PML: variants seen among roughly 807,000 people sequenced by gnomAD.
PML encodes the protein PML nuclear body scaffold.
In PML, 28 loss-of-function variants were observed where a neutral mutation model predicts 65.2. The ratio of observed to expected loss-of-function variants is 0.43; its 90% CI spans 0.32 to 0.59. The LOEUF (loss-of-function observed/expected upper bound fraction) is 0.59. PML is among the 20% of genes least tolerant of loss of function. The pLI is 0.08. For synonymous variants in PML, 500 were observed against 508.8 expected (o/e 0.98, Z 0.23); for missense variants, 1,021 against 1,203.4 (o/e 0.85, Z 2.24).
chr15:74,004,951 A>T (rs924410286), intron 2 of PML, among the ~76,000 whole-genome samples: 1 of 152,072 alleles, frequency 6.6e-6, no homozygotes, highest in Non-Finnish European at 1.5e-5. Flanking sequence ...GCCTCAAGTG[A>T]TCTGCCCGCC....
chr15:74,019,213 C>A (rs934367529), intron 2 of PML, among the ~76,000 whole-genome samples: 3 of 152,162 alleles, frequency 2.0e-5, no homozygotes, highest in Admixed American at 6.5e-5. Context: ...AAGGACCCAG[C>A]GGAGGCTATG....
At chr15:74,018,333 A>G (rs962198791) in intron 2 of PML, among the ~76,000 whole-genome samples, 9 of 151,902 alleles carry the variant, frequency 5.9e-5, no homozygotes, top group East Asian at 3.9e-4. Flanking sequence ...AAAAAAAAAA[A>G]AAAAGAAAAG....
At chr15:74,008,839 A>G (rs2141763414) in intron 2 of PML, among the ~76,000 whole-genome samples, 1 of 152,228 alleles carries the variant, frequency 6.6e-6, no homozygotes, top group East Asian at 1.9e-4. Flanking sequence ...AGAGTGGGCA[A>G]GTTTGGGAAC....
chr15:74,002,444 C>CTTTTTTTTTTTTTTTTTT (rs71137368), intron 2 of PML, among the ~76,000 whole-genome samples: 5 of 104,760 alleles, frequency 4.8e-5, no homozygotes, highest in Admixed American at 1.2e-4. Flanking sequence ...TCTTTCTTTT[C>CTTTTTTTTTTTTTTTTTT]TTTTTTTTTT....
chr15:74,035,249 C>A lies in PML; in HGVS notation c.1710+719C>A. The A allele has an allele frequency of 6.2e-7, 1 of 1,610,342 alleles. No individual in the cohort carries two copies. The highest frequency in any genetic ancestry group is 8.5e-7 in the Non-Finnish European group (1 of 1,177,138). The stretch of plus-strand genomic sequence containing the variant: ...CGCCAGCCCACTCCTCGCCAGCCCA[C>A]TCCTCGCCAGTCCAGTCTCTGCTGA... On this transcript the variant is annotated intron_variant, in intron 7 of 8. Coordinates refer to ENST00000268058, the MANE Select transcript of PML (RefSeq NM_033238.3). This position sits in a 1 kb window ranked among gnomAD's most constrained non-coding sequence, Gnocchi z 4.1.
rs778773389 is a variant in PML, at chr15:74,037,148, T to C, written c.1710+2618T>C. The C allele has an allele frequency of 3.0e-5, 30 of 985,284 alleles. No homozygotes were observed. Among genetic ancestry groups the C allele is most frequent in the Non-Finnish European group, 3.5e-5 (29 of 829,930 alleles). The allele number at this position is 985,284 out of a possible 1,614,324, so 61.0% of individuals were successfully genotyped here. ...GGGCTCCTTGGTGCTCCGCCCAGCATGTCCTTTTGCTCTGCAGGGCAGCCC... is the reference window on the plus strand; with the variant it reads ...GGGCTCCTTGGTGCTCCGCCCAGCACGTCCTTTTGCTCTGCAGGGCAGCCC... On this transcript the variant is annotated intron_variant, in intron 7 of 8. Transcript: ENST00000268058. The surrounding 1 kb of genome is among the most constrained non-coding windows in gnomAD (Gnocchi z 4.2).
chr15:74,044,402 G>A lies in PML; in HGVS notation c.2043G>A (p.Gly681=), dbSNP rs776272202. 5 of 1,614,008 alleles carry A rather than the reference G, an allele frequency of 3.1e-6. No homozygotes were observed. The East Asian group carries it at 6.7e-5, about 22-fold the overall frequency. ...RPILACYKLW[G]PGLPNFFRAL... is the part of the protein sequence containing the mutation. The stretch of plus-strand genomic sequence containing the variant: ...TCTTGGCCTGCTACAAGCTGTGGGG[G>A]CCTGGCCTCCCAAACTTCTTCCGGG... Residue 681 remains glycine (G), a synonymous_variant, in exon 9 of 9, where the codon GGG becomes GGA. Coordinates refer to ENST00000268058, the MANE Select transcript of PML (RefSeq NM_033238.3).
chr15:74,035,193 G>T lies in PML; in HGVS notation c.1710+663G>T. Reference sequence around the variant, plus strand: ...AAAGTGCATGGAGCCCATGGAGACCGCCGAGCCACAGTCCTCGCCAGCCCA... The same window carrying T: ...AAAGTGCATGGAGCCCATGGAGACCTCCGAGCCACAGTCCTCGCCAGCCCA... On this transcript the variant is annotated intron_variant, in intron 7 of 8. Transcript: ENST00000268058. The surrounding 1 kb of genome is among the most constrained non-coding windows in gnomAD (Gnocchi z 4.1). The T allele has an allele frequency of 7.1e-7, 1 of 1,401,008 alleles. No individual in the cohort carries two copies. The allele number at this position is 1,401,008 out of a possible 1,614,324, so 86.8% of individuals were successfully genotyped here.
intron 2 of PML, among the ~76,000 whole-genome samples, chr15:74,021,778 A>G (rs1008472243): frequency 2.0e-5 from 3 of 152,186 alleles, no homozygotes; most frequent in African/African-American, 7.2e-5. Context: ...GAAAATGCAC[A>G]AACAGGAAAT....
Position 74,035,822 on chromosome 15 carries a change from C to G in PML, c.1710+1292C>G. ...CAGGTGTTCCCCCTGGGGACTCTGT[C>G]AGAGGCTCCATGGAGGCCTCTCAAG... On this transcript the variant is annotated intron_variant, in intron 7 of 8. Transcript: ENST00000268058. The surrounding 1 kb of genome is among the most constrained non-coding windows in gnomAD (Gnocchi z 4.1). 2 of 1,614,010 alleles carry G rather than the reference C, an allele frequency of 1.2e-6. No homozygotes were observed. Among genetic ancestry groups the G allele is most frequent in the Non-Finnish European group, 8.5e-7 (1 of 1,179,984 alleles).
intron 4 of PML, among the ~76,000 whole-genome samples, chr15:74,030,492 T>C (rs553001327): frequency 2.6e-5 from 4 of 152,030 alleles, no homozygotes; most frequent in Non-Finnish European, 5.9e-5. Flanking sequence ...CTACTAAAAA[T>C]ACAAAAATTA....
At position 74,037,396 on chromosome 15, in the gene PML, C is replaced by T; in HGVS notation, c.1710+2866C>T. The T allele has an allele frequency of 1.0e-6, 1 of 985,372 alleles. No homozygotes were observed. Among genetic ancestry groups the T allele is most frequent in the African/African-American group, 1.7e-5 (1 of 57,350 alleles). The allele number at this position is 985,372 out of a possible 1,614,324, so 61.0% of individuals were successfully genotyped here. On this transcript the variant is annotated intron_variant, in intron 7 of 8. Transcript: ENST00000268058. This position sits in a 1 kb window ranked among gnomAD's most constrained non-coding sequence, Gnocchi z 4.2. ...CTGTGTCCTGGCCCCAGCCCTTGAC[C>T]CCCTGGGAGCCTCACTCCTCCTCCT... is the stretch of plus-strand genomic sequence containing the variant.
In PML at chr15:74,045,972, C is replaced by G. The variant is rs2071766604; in HGVS notation, c.*964C>G. 2 of 232,638 alleles carry G rather than the reference C, an allele frequency of 8.6e-6. No individual in the cohort carries two copies. Among genetic ancestry groups the G allele is most frequent in the East Asian group, 1.2e-4 (2 of 16,506 alleles). The allele number at this position is 232,638 out of a possible 1,614,324, so 14.4% of individuals were successfully genotyped here. On this transcript the variant is annotated 3_prime_UTR_variant, in exon 9 of 9. Coordinates refer to ENST00000268058, the MANE Select transcript of PML (RefSeq NM_033238.3). Reference sequence around the variant, plus strand: ...ATGCTCAAGTTTGAGAACCGCTGCTCTCATAGACTGCTCCTCCAAGGGGAA... The same window carrying G: ...ATGCTCAAGTTTGAGAACCGCTGCTGTCATAGACTGCTCCTCCAAGGGGAA...
In PML at chr15:74,040,251, CCTT is replaced by C. The variant is rs140018882; in HGVS notation, c.1711-2733_1711-2731del. Among the ~76,000 whole-genome samples, 687 of 152,290 alleles carry C rather than the reference CCTT, an allele frequency of 4.5e-3. 4 individuals are homozygous for C. The highest frequency in any genetic ancestry group is 0.016 in the African/African-American group (658 of 41,554). On this transcript the variant is annotated intron_variant, in intron 7 of 8. Transcript: ENST00000268058. ...ATAACCCCAGCAGCACTTCTTCAGT[CCTT>C]CTTCCCCTTTTCTTTGGCGCCTGGC...
In PML at chr15:74,007,667, T is replaced by G. The variant is rs111473669; in HGVS notation, c.602+9191T>G. On this transcript the variant is annotated intron_variant, in intron 2 of 8. Coordinates refer to ENST00000268058, the MANE Select transcript of PML (RefSeq NM_033238.3). The stretch of plus-strand genomic sequence containing the variant: ...GGCTTTAAACCTGGGACTCGGGGTG[T>G]CTGCCCTGGGGTGGCTGCCCTGGGG... Among the ~76,000 whole-genome samples the G allele has an allele frequency of 2.8e-4, 42 of 152,228 alleles. No homozygotes were observed. The East Asian group carries it at 7.0e-3, about 25-fold the overall frequency.
intron 7 of PML, chr15:74,036,271 C>T: frequency 3.4e-6 from 5 of 1,479,334 alleles, no homozygotes; most frequent in Non-Finnish European, 4.5e-6. Flanking sequence ...GCCTTCCATG[C>T]CCCGACCCCC....
chr15:74,044,991 G>A lies in PML; in HGVS notation c.2632G>A (p.Ala878Thr). Residue 878 changes from alanine to threonine, a missense_variant, in exon 9 of 9, where the codon GCC becomes ACC. Coordinates refer to ENST00000268058, the MANE Select transcript of PML (RefSeq NM_033238.3). Reference sequence around the variant, plus strand: ...TGCTGGCCGTGGCTTGGCAGAGAGGGCCTCCCAGCAGAGCTGAGAGGAGGG... The same window carrying A: ...TGCTGGCCGTGGCTTGGCAGAGAGGACCTCCCAGCAGAGCTGAGAGGAGGG... Reference protein sequence around the residue: ...PLAGRGLAERASQQS With the variant: ...PLAGRGLAERTSQQS 6.2e-7 allele frequency: 1 copy of A among 1,605,416 alleles called. No homozygotes were observed.
Position 74,042,553 on chromosome 15 carries a change from A to C in PML, c.1711-436A>C. ...CATCTCAGGTCCTGCCTGCCATAGC[A>C]GATGGCTCCTTCCCTGAGCCTCCAT... On this transcript the variant is annotated intron_variant, in intron 7 of 8. Coordinates refer to ENST00000268058, the MANE Select transcript of PML (RefSeq NM_033238.3). This position sits in a 1 kb window ranked among gnomAD's most constrained non-coding sequence, Gnocchi z 5.3. 1.0e-6 allele frequency: 1 copy of C among 985,452 alleles called. No homozygotes were observed. The highest frequency in any genetic ancestry group is 1.2e-6 in the Non-Finnish European group (1 of 829,920). The allele number at this position is 985,452 out of a possible 1,614,324, so 61.0% of individuals were successfully genotyped here.
rs555989750 is a variant in PML at position 74,012,805 on chromosome 15, G to T, written c.603-10023G>T. On this transcript the variant is annotated intron_variant, in intron 2 of 8. Transcript: ENST00000268058. Reference sequence around the variant, plus strand: ...TTGTATTTTGATTGAGCTCTTAATTGGATAGATATTATCAAAAAGCAATTT... The same window carrying T: ...TTGTATTTTGATTGAGCTCTTAATTTGATAGATATTATCAAAAAGCAATTT... 9.4e-5 allele frequency among the ~76,000 whole-genome samples: 13 copies of T among 139,022 alleles called. No homozygotes were observed. In the East Asian group the frequency reaches 2.8e-3, roughly 30 times the overall value. The allele number at this position is 139,022 out of a possible 152,430, so 91.2% of individuals were successfully genotyped here.
Sources: allele counts gnomAD v4.1 joint callset (sites outside exome capture counted in the v4.1 genomes callset), GRCh38; gene constraint gnomAD v4.1.1; non-coding constraint Gnocchi (gnomAD v3.1); transcripts MANE v1.5; gene names NCBI Gene and HGNC (gene_info 2026-07-23, HGNC 2026-07-21).